Variants in AGAP1 observed in about 807,000 individuals in gnomAD.
AGAP1 encodes arf-GAP with GTPase, ANK repeat and PH domain-containing protein 1.
Under a neutral mutation model 105.3 loss-of-function variants are expected in AGAP1, and 29 were observed. That is an observed-to-expected ratio of 0.28 (90% CI 0.21 to 0.38). AGAP1 has a LOEUF of 0.38. Ranked by LOEUF, AGAP1 falls within the 10% of genes least tolerant of loss-of-function variation. The pLI is 1.00. For synonymous variants in AGAP1, 509 were observed against 485.9 expected, an observed-to-expected ratio of 1.05 and a Z score of -0.63; for missense variants, 998 against 1,165.1, an observed-to-expected ratio of 0.86 and a Z score of 2.09.
chr2:236,109,088 C>T lies in AGAP1; in HGVS notation c.2115-11104C>T, dbSNP rs2059580633. Among the ~76,000 whole-genome samples, 1 of 152,180 alleles carries T rather than the reference C, an allele frequency of 6.6e-6. No individual in the cohort carries two copies. ...ATGAGGAACAGAGAATGGGGCATTG[C>T]AGGAAGACAGCATTTCTCTCTGAAG... On this transcript the variant is annotated intron_variant, in intron 16 of 17. Transcript: ENST00000304032. This position sits in a 1 kb window ranked among gnomAD's most constrained non-coding sequence, Gnocchi z 5.4.
chr2:235,642,177 G>T lies in AGAP1; in HGVS notation c.164-67002G>T, dbSNP rs1250580404. 6.6e-6 allele frequency among the ~76,000 whole-genome samples: 1 copy of T among 152,182 alleles called. No individual in the cohort carries two copies. Among genetic ancestry groups the T allele is most frequent in the Non-Finnish European group, 1.5e-5 (1 of 68,032 alleles). ...GGCGCCTGCTCGACTTGGCCTTCTG[G>T]CACTGGGGATTCCTCTCCCAAGTCT... On this transcript the variant is annotated intron_variant, in intron 1 of 17. Coordinates refer to ENST00000304032, the MANE Select transcript of AGAP1 (RefSeq NM_001037131.3). The surrounding 1 kb of genome is among the most constrained non-coding windows in gnomAD (Gnocchi z 4.1).
At chr2:235,536,406 T>TACACACACACACAC (rs71300670) in intron 1 of AGAP1, among the ~76,000 whole-genome samples, 4 of 3,952 alleles carry the variant, frequency 1.0e-3, no homozygotes, top group Non-Finnish European at 1.0e-3. Flanking sequence ...TGTGGCATCC[T>TACACACACACACAC]ACACACACAC....
Position 236,055,102 on chromosome 2 carries a change from C to T in AGAP1, c.2114+5821C>T, listed in dbSNP as rs1426943234. 6.6e-6 allele frequency among the ~76,000 whole-genome samples: 1 copy of T among 152,202 alleles called. No homozygotes were observed. Among genetic ancestry groups the T allele is most frequent in the African/African-American group, 2.4e-5 (1 of 41,442 alleles). On this transcript the variant is annotated intron_variant, in intron 16 of 17. Coordinates refer to ENST00000304032, the MANE Select transcript of AGAP1 (RefSeq NM_001037131.3). This position sits in a 1 kb window ranked among gnomAD's most constrained non-coding sequence, Gnocchi z 6.2. Reference sequence around the variant, plus strand: ...CCCGCTTGTCAAGGTCCGGGCTGTGCTCTTCTTTCAATTAAGTTCTCTGGG... The same window carrying T: ...CCCGCTTGTCAAGGTCCGGGCTGTGTTCTTCTTTCAATTAAGTTCTCTGGG...
At chr2:235,858,185 A>G (rs1271015994) in intron 9 of AGAP1, among the ~76,000 whole-genome samples, 1 of 152,260 alleles carries the variant, frequency 6.6e-6, no homozygotes, top group Non-Finnish European at 1.5e-5. Context: ...TTGGGCGTAT[A>G]AAATCGTAAT....
intron 9 of AGAP1, among the ~76,000 whole-genome samples, chr2:235,837,741 T>G (rs1960336787): frequency 6.6e-6 from 1 of 152,218 alleles, no homozygotes; most frequent in South Asian, 2.1e-4. Context: ...CATTAAACCT[T>G]ATTAGGTCAT....
rs1011672856 is a variant in AGAP1 at position 236,130,322 on chromosome 2, T to G, written c.*6200T>G. ...GGTGAAACCATATGATAGAGACTCCTTGTCGAAGTCCACATCGGACTGATC... is the reference window on the plus strand; with the variant it reads ...GGTGAAACCATATGATAGAGACTCCGTGTCGAAGTCCACATCGGACTGATC... On this transcript the variant is annotated 3_prime_UTR_variant, in exon 18 of 18. Coordinates refer to ENST00000304032, the MANE Select transcript of AGAP1 (RefSeq NM_001037131.3). This position sits in a 1 kb window ranked among gnomAD's most constrained non-coding sequence, Gnocchi z 5.8. 2 of 151,678 alleles carry G rather than the reference T, an allele frequency of 1.3e-5. No individual in the cohort carries two copies. The highest frequency in any genetic ancestry group is 4.8e-5 in the African/African-American group (2 of 41,258). 9.4% of individuals were successfully genotyped at this position (151,678 alleles called of 1,614,324 possible).
At chr2:235,524,150 G>A (rs958890895) in intron 1 of AGAP1, among the ~76,000 whole-genome samples, 2 of 152,196 alleles carry the variant, frequency 1.3e-5, no homozygotes, top group Non-Finnish European at 2.9e-5. Context: ...TACCACGGGC[G>A]TCCGTGGGCC....
At chr2:235,499,948 A>G (rs1019132296) in intron 1 of AGAP1, among the ~76,000 whole-genome samples, 2 of 152,102 alleles carry the variant, frequency 1.3e-5, no homozygotes, top group African/African-American at 4.8e-5. Context: ...TGGTAGGATA[A>G]ACAATGTTTA....
chr2:235,924,708 C>A (rs976944939), intron 11 of AGAP1, among the ~76,000 whole-genome samples: 12 of 152,164 alleles, frequency 7.9e-5, no homozygotes, highest in African/African-American at 2.9e-4. Flanking sequence ...CACCAGCACA[C>A]ACAGTAACTC....
In AGAP1 at chr2:235,958,441, C is replaced by G. The variant is rs1575886084; in HGVS notation, c.1484-10021C>G. Among the ~76,000 whole-genome samples, 1 of 152,074 alleles carries G rather than the reference C, an allele frequency of 6.6e-6. No individual in the cohort carries two copies. The highest frequency in any genetic ancestry group is 1.5e-5 in the Non-Finnish European group (1 of 68,030). ...CCCCCAGCGGACACATTTAGAGACCCTCGGGAGCGCGAGGGATATGAGAAT... is the reference window on the plus strand; with the variant it reads ...CCCCCAGCGGACACATTTAGAGACCGTCGGGAGCGCGAGGGATATGAGAAT... On this transcript the variant is annotated intron_variant, in intron 12 of 17. Coordinates refer to ENST00000304032, the MANE Select transcript of AGAP1 (RefSeq NM_001037131.3). The surrounding 1 kb of genome is among the most constrained non-coding windows in gnomAD (Gnocchi z 4.1).
At chr2:235,896,315 T>C (rs12053275) in intron 10 of AGAP1, among the ~76,000 whole-genome samples, 53,197 of 152,134 alleles carry the variant, frequency 0.35, 10,317 homozygotes, top group South Asian at 0.64. Flanking sequence ...TATTCCGTCA[T>C]ATGTACACAC....
In AGAP1 at chr2:235,824,105, A is replaced by G. The variant is rs1958944918; in HGVS notation, c.1050+16774A>G. ...TTATATATAACTTAACATTCTGTTT[A>G]TGTTAAAAATTCAGGCACAGGACTA... On this transcript the variant is annotated intron_variant, in intron 9 of 17. Transcript: ENST00000304032. This position sits in a 1 kb window ranked among gnomAD's most constrained non-coding sequence, Gnocchi z 5.2. 6.6e-6 allele frequency among the ~76,000 whole-genome samples: 1 copy of G among 152,226 alleles called. No homozygotes were observed. The highest frequency in any genetic ancestry group is 1.9e-4 in the East Asian group (1 of 5,200).
Position 236,083,153 on chromosome 2 carries a change from CA to C in AGAP1, c.2114+33881del, listed in dbSNP as rs373652440. On this transcript the variant is annotated intron_variant, in intron 16 of 17. Coordinates refer to ENST00000304032, the MANE Select transcript of AGAP1 (RefSeq NM_001037131.3). This position sits in a 1 kb window ranked among gnomAD's most constrained non-coding sequence, Gnocchi z 5.3. The stretch of plus-strand genomic sequence containing the variant: ...CTAGGCAACGAGCGAAATTCCATCT[CA>C]AAAAAAAAGAAAAAGAAAAGAGGCC... 7.0e-6 allele frequency among the ~76,000 whole-genome samples: 1 copy of C among 142,702 alleles called. No individual in the cohort carries two copies. The allele number at this position is 142,702 out of a possible 152,430, so 93.6% of individuals were successfully genotyped here. A position where few individuals can be genotyped will look rare whatever the true frequency, so the allele number is the denominator to read the frequency against.
intron 1 of AGAP1, among the ~76,000 whole-genome samples, chr2:235,607,664 C>A (rs72988921): frequency 6.6e-6 from 1 of 152,092 alleles, no homozygotes; most frequent in African/African-American, 2.4e-5. Context: ...AAGAGGACAG[C>A]TTTGAGCCTC....
intron 13 of AGAP1, among the ~76,000 whole-genome samples, chr2:236,015,540 A>G (rs2056667072): frequency 6.7e-6 from 1 of 150,334 alleles, no homozygotes; most frequent in African/African-American, 2.5e-5. Context: ...CATTTGAACA[A>G]CATAATTATA....
Position 236,044,140 on chromosome 2 carries a change from C to G in AGAP1, c.1891+3299C>G, listed in dbSNP as rs531885687. Among the ~76,000 whole-genome samples, 1 of 152,256 alleles carries G rather than the reference C, an allele frequency of 6.6e-6. No homozygotes were observed. The highest frequency in any genetic ancestry group is 2.1e-4 in the South Asian group (1 of 4,828). On this transcript the variant is annotated intron_variant, in intron 15 of 17. Transcript: ENST00000304032. The surrounding 1 kb of genome is among the most constrained non-coding windows in gnomAD (Gnocchi z 5.7). Reference sequence around the variant, plus strand: ...GCCAGTGAATTTGGGAAACTCTTAACAACGTCCGACTCCCAGGAAGTTGCA... The same window carrying G: ...GCCAGTGAATTTGGGAAACTCTTAAGAACGTCCGACTCCCAGGAAGTTGCA...
At chr2:235,968,745 T>C in intron 13 of AGAP1, 122 bp downstream of exon 13, 2 of 1,036,750 alleles carry the variant, frequency 1.9e-6, no homozygotes, top group Non-Finnish European at 2.8e-6. Context: ...GGTCACCGTA[T>C]GTGCTTTCTG....
chr2:235,829,754 A>G (rs1959195995), intron 9 of AGAP1, among the ~76,000 whole-genome samples: 2 of 152,182 alleles, frequency 1.3e-5, no homozygotes, highest in Non-Finnish European at 1.5e-5. Flanking sequence ...CCATCCTTGC[A>G]GCAGTGGGTG....
rs372319931 is a variant in AGAP1 at position 235,554,866 on chromosome 2, C to T, written c.163+60017C>T. Among the ~76,000 whole-genome samples, 13 of 152,248 alleles carry T rather than the reference C, an allele frequency of 8.5e-5. No homozygotes were observed. The East Asian group carries it at 1.7e-3, about 20-fold the overall frequency. On this transcript the variant is annotated intron_variant, in intron 1 of 17. Transcript: ENST00000304032. ...TGTGTTTTTAGTGGAGACAAGGTTT[C>T]ACCATGTTGGCCAGGTTGGTCTCAA...
Sources: gnomAD v4.1 joint callset for allele counts (sites outside exome capture counted in the v4.1 genomes callset) on GRCh38, gnomAD v4.1.1 for gene constraint, Gnocchi (gnomAD v3.1) non-coding constraint, MANE v1.5 for transcripts, NCBI Gene and HGNC (gene_info 2026-07-23, HGNC 2026-07-21) for gene names.